The following DNAH11 variants were observed in gnomAD, a reference collection of about 807,000 sequenced individuals.
DNAH11 encodes axonemal beta dynein heavy chain 11.
Under a neutral mutation model 526.0 loss-of-function variants are expected in DNAH11, and 442 were observed. The observed-to-expected ratio is 0.84, with a 90% CI of 0.78 to 0.91. DNAH11 has a LOEUF of 0.91. Among genes scored for constraint, DNAH11 ranks in the 40% least tolerant of loss-of-function variants. The probability of loss-of-function intolerance (pLI) is 0.00; values close to 1 mark genes in which losing one functional copy is unlikely to be tolerated. For synonymous variants in DNAH11, 2,461 were observed against 1,935.9 expected, an observed-to-expected ratio of 1.27 and a Z score of -7.12; for missense variants, 6,989 against 5,448.7, an observed-to-expected ratio of 1.28 and a Z score of -8.90.
chr7:21,557,439 G>A (rs893605921), intron 2 of DNAH11, among the ~76,000 whole-genome samples: 8 of 152,074 alleles, frequency 5.3e-5, no homozygotes, highest in African/African-American at 1.2e-4. Context: ...TAGTGAATTC[G>A]GGTATCTGAA....
rs570435199 is a variant in DNAH11, at chr7:21,726,145, G to T, written c.7440+161G>T. Among the ~76,000 whole-genome samples the T allele has an allele frequency of 2.3e-4, 35 of 152,288 alleles. No homozygotes were observed. In the East Asian group the frequency reaches 6.6e-3, roughly 29 times the overall value. Reference sequence around the variant, plus strand: ...TGGCATCTGCTGAGCTTCTGGGAAGGCCTCAGAAAATCACAGGGGAAGGGG... The same window carrying T: ...TGGCATCTGCTGAGCTTCTGGGAAGTCCTCAGAAAATCACAGGGGAAGGGG... On this transcript the variant is annotated intron_variant, in intron 45 of 81. Transcript: ENST00000409508.
chr7:21,762,728 T>C (rs906294675), intron 54 of DNAH11, among the ~76,000 whole-genome samples: 2 of 152,218 alleles, frequency 1.3e-5, no homozygotes, highest in Non-Finnish European at 2.9e-5. Flanking sequence ...AATTGGACCT[T>C]GTCTTACAAC....
intron 2 of DNAH11, among the ~76,000 whole-genome samples, chr7:21,558,478 G>T (rs543333584): frequency 9.2e-5 from 14 of 152,324 alleles, no homozygotes; most frequent in African/African-American, 3.1e-4. Context: ...GCCTGCCAGT[G>T]TGCTCAGTTT....
intron 30 of DNAH11, among the ~76,000 whole-genome samples, chr7:21,677,576 G>A (rs547862116): frequency 2.0e-5 from 3 of 152,234 alleles, no homozygotes; most frequent in East Asian, 3.9e-4. Context: ...GTAGAGATGG[G>A]GTTTCACCCC....
At position 21,765,606 on chromosome 7, in the gene DNAH11, T is replaced by G; in HGVS notation, c.9102+17T>G. ...GGAATTGAGGTATGCCGTGTCAGCC[T>G]GCGTCACACACACACACACACACAC... On this transcript the variant is annotated intron_variant, in intron 55 of 81. Transcript: ENST00000409508. The G allele has an allele frequency of 8.2e-7, 1 of 1,217,158 alleles. No homozygotes were observed. Among genetic ancestry groups the G allele is most frequent in the Non-Finnish European group, 1.1e-6 (1 of 894,952 alleles). The allele number at this position is 1,217,158 out of a possible 1,614,324, so 75.4% of individuals were successfully genotyped here. A position where few individuals can be genotyped will look rare whatever the true frequency, so the allele number is the denominator to read the frequency against.
chr7:21,715,227 C>G (rs969629360), intron 42 of DNAH11, among the ~76,000 whole-genome samples: 1 of 152,286 alleles, frequency 6.6e-6, no homozygotes, highest in Non-Finnish European at 1.5e-5. Flanking sequence ...GATCCAACCC[C>G]AGAGGCCTGA....
rs372513371 is a variant in DNAH11, at chr7:21,786,367, A to G, written c.9598-257A>G. ...GTGAGCAGGGCTCTGCAGGACTGAT[A>G]TATAGATATATAGATCATTTTTCTT... is the stretch of plus-strand genomic sequence containing the variant. On this transcript the variant is annotated intron_variant, in intron 58 of 81. Coordinates refer to ENST00000409508, the MANE Select transcript of DNAH11 (RefSeq NM_001277115.2). Among the ~76,000 whole-genome samples, 28 of 152,072 alleles carry G rather than the reference A, an allele frequency of 1.8e-4. 1 individual carries two copies. The highest frequency in any genetic ancestry group is 6.0e-4 in the African/African-American group (25 of 41,478).
At chr7:21,830,469 G>C (rs1790504425) in intron 65 of DNAH11, among the ~76,000 whole-genome samples, 1 of 152,166 alleles carries the variant, frequency 6.6e-6, no homozygotes, top group Non-Finnish European at 1.5e-5. Context: ...TTGTTACTGA[G>C]TCGATCATAT....
At chr7:21,655,658 C>T (rs1387828470) in intron 28 of DNAH11, among the ~76,000 whole-genome samples, 174 bp from the exon 29 acceptor site, 1 of 152,182 alleles carries the variant, frequency 6.6e-6, no homozygotes, top group Non-Finnish European at 1.5e-5. Context: ...CACTTCACCA[C>T]CAAGATCCTT....
chr7:21,886,604 G>C (rs561822203), intron 76 of DNAH11, among the ~76,000 whole-genome samples: 26 of 152,246 alleles, frequency 1.7e-4, no homozygotes, highest in Non-Finnish European at 3.2e-4. Flanking sequence ...CCAGGCATGC[G>C]ACCTTTACAG....
intron 54 of DNAH11, among the ~76,000 whole-genome samples, chr7:21,764,301 C>T (rs1039270609): frequency 3.3e-5 from 5 of 152,020 alleles, no homozygotes; most frequent in South Asian, 2.1e-4. Flanking sequence ...TATGGGTGCA[C>T]GTATGCTGGA....
Position 21,637,597 on chromosome 7 carries a change from G to A in DNAH11, c.4726-14G>A. ...GTTCTAATATCCACGGCCCCGTATT[G>A]TACTTTCATGCAGGAGTTAATGTTC... On this transcript the variant is annotated splice_polypyrimidine_tract_variant and intron_variant, in intron 26 of 81. Transcript: ENST00000409508. 1 of 1,524,914 alleles carries A rather than the reference G, an allele frequency of 6.6e-7. No homozygotes were observed. The highest frequency in any genetic ancestry group is 1.2e-5 in the South Asian group (1 of 84,440). The allele number at this position is 1,524,914 out of a possible 1,614,324, so 94.5% of individuals were successfully genotyped here.
At chr7:21,702,278 A>C (rs1784095949) in intron 36 of DNAH11, among the ~76,000 whole-genome samples, 1 of 152,148 alleles carries the variant, frequency 6.6e-6, no homozygotes, top group South Asian at 2.1e-4. Flanking sequence ...GAGGTGGAGT[A>C]ATTGGGGCCA....
rs1782593256 is a variant in DNAH11 at position 21,850,593 on chromosome 7, GC to G, written c.10897-1873del. ...ACATCTGAGTCTTGTCCTGAGGTTT[GC>G]GTTCTGTCTTCTTCTTTTTTTTTTT... On this transcript the variant is annotated intron_variant, in intron 66 of 81. Coordinates refer to ENST00000409508, the MANE Select transcript of DNAH11 (RefSeq NM_001277115.2). 2.3e-5 allele frequency among the ~76,000 whole-genome samples: 3 copies of G among 131,134 alleles called. No homozygotes were observed. In the South Asian group the frequency reaches 7.5e-4, roughly 33 times the overall value. 86.0% of individuals were successfully genotyped at this position (131,134 alleles called of 152,430 possible). A position where few individuals can be genotyped will look rare whatever the true frequency, so the allele number is the denominator to read the frequency against.
intron 8 of DNAH11, among the ~76,000 whole-genome samples, chr7:21,578,903 C>G (rs927896594): frequency 6.6e-6 from 1 of 152,198 alleles, no homozygotes; most frequent in African/African-American, 2.4e-5. Context: ...TTGCCTGTCT[C>G]TCCAACTCAT....
intron 37 of DNAH11, 61 bp downstream of exon 37, chr7:21,702,863 A>G: frequency 1.4e-6 from 2 of 1,415,162 alleles, no homozygotes; most frequent in East Asian, 2.3e-5. Context: ...CAGACATGAA[A>G]GTATATGCCT....
intron 45 of DNAH11, among the ~76,000 whole-genome samples, chr7:21,727,629 T>G (rs1785184654): frequency 6.6e-6 from 1 of 152,226 alleles, no homozygotes; most frequent in Non-Finnish European, 1.5e-5. Flanking sequence ...TATTTCTTCC[T>G]CAAAATCATG....
Position 21,627,712 on chromosome 7 carries a change from G to A in DNAH11, c.4500+7634G>A, listed in dbSNP as rs900103967. Among the ~76,000 whole-genome samples, 125 of 152,146 alleles carry A rather than the reference G, an allele frequency of 8.2e-4. 1 individual carries two copies. The highest frequency in any genetic ancestry group is 4.4e-5 in the Non-Finnish European group (3 of 68,030). ...AGTAAATTTCAAAGACAGGTAGTTT[G>A]ATGCCTCTAGCTTTGTTCTTTTTGC... On this transcript the variant is annotated intron_variant, in intron 25 of 81. Coordinates refer to ENST00000409508, the MANE Select transcript of DNAH11 (RefSeq NM_001277115.2).
At chr7:21,679,946 T>A (rs753996564) in intron 30 of DNAH11, among the ~76,000 whole-genome samples, 2 of 152,222 alleles carry the variant, frequency 1.3e-5, no homozygotes, top group Non-Finnish European at 2.9e-5. Flanking sequence ...TGTATACATA[T>A]GCCATGTTGG....
Sources: gnomAD v4.1 joint callset for allele counts (sites outside exome capture counted in the v4.1 genomes callset) on GRCh38, gnomAD v4.1.1 for gene constraint, MANE v1.5 for transcripts, NCBI Gene and HGNC (gene_info 2026-07-23, HGNC 2026-07-21) for gene names.